The following SLC24A3 variants were observed in gnomAD, a reference collection of about 807,000 sequenced individuals.
The protein encoded by SLC24A3 is solute carrier family 24 member 3, also known as sodium/potassium/calcium exchanger 3.
Under a neutral mutation model 75.8 loss-of-function variants are expected in SLC24A3, and 28 were observed. The ratio of observed to expected loss-of-function variants is 0.37; its 90% CI spans 0.27 to 0.51. The LOEUF (loss-of-function observed/expected upper bound fraction) is 0.51, where lower values mean the gene tolerates loss of function less well. Among genes scored for constraint, SLC24A3 ranks in the 20% least tolerant of loss-of-function variants. The pLI, the probability that SLC24A3 is intolerant of heterozygous loss-of-function variation, is 0.94. For missense variants in SLC24A3, 663 were observed against 847.8 expected (o/e 0.78, Z 2.71); for synonymous variants, 372 against 334.1 (o/e 1.11, Z -1.24).
chr20:19,278,274 A>G (rs1362722720), intron 1 of SLC24A3, among the ~76,000 whole-genome samples: 1 of 152,172 alleles, frequency 6.6e-6, no homozygotes, highest in African/African-American at 2.4e-5. Context: ...CTGGCCCCCA[A>G]AGCTATCCAG....
At chr20:19,354,180 T>C (rs1985630843) in intron 2 of SLC24A3, among the ~76,000 whole-genome samples, 1 of 152,184 alleles carries the variant, frequency 6.6e-6, no homozygotes, top group Non-Finnish European at 1.5e-5. Context: ...CATCATACTA[T>C]TCTTGAGCTG....
chr20:19,406,207 T>TGTGC (rs1986642025), intron 2 of SLC24A3, among the ~76,000 whole-genome samples: 1 of 148,888 alleles, frequency 6.7e-6, no homozygotes, highest in East Asian at 1.9e-4. Context: ...TGTGTGTGTG[T>TGTGC]GCGTGCGTGT....
chr20:19,244,844 T>G (rs1183145090), intron 1 of SLC24A3, among the ~76,000 whole-genome samples: 1 of 152,194 alleles, frequency 6.6e-6, no homozygotes, highest in East Asian at 1.9e-4. Flanking sequence ...GAGATATCCT[T>G]GGAGCTGTAA....
chr20:19,234,921 C>T (rs969761525), intron 1 of SLC24A3, among the ~76,000 whole-genome samples: 2 of 152,218 alleles, frequency 1.3e-5, no homozygotes, highest in African/African-American at 2.4e-5. Flanking sequence ...TCTTTTCCTC[C>T]AGCCTTAGCT....
At chr20:19,295,144 A>G (rs1027313921) in intron 2 of SLC24A3, among the ~76,000 whole-genome samples, 2 of 152,066 alleles carry the variant, frequency 1.3e-5, no homozygotes, top group Middle Eastern at 3.2e-3. Flanking sequence ...CCAATTTTTA[A>G]TGGGGTTGTT....
chr20:19,459,629 A>G (rs1987637131), intron 2 of SLC24A3, among the ~76,000 whole-genome samples: 1 of 152,204 alleles, frequency 6.6e-6, no homozygotes, highest in Non-Finnish European at 1.5e-5. Flanking sequence ...TCCTCCATCC[A>G]AATACAGTGT....
In SLC24A3 at chr20:19,721,176, T is replaced by C. The variant is rs761168642; in HGVS notation, c.*36T>C. 102 of 1,612,126 alleles carry C rather than the reference T, an allele frequency of 6.3e-5. No individual in the cohort carries two copies. The highest frequency in any genetic ancestry group is 8.6e-5 in the Non-Finnish European group (101 of 1,179,504). On this transcript the variant is annotated 3_prime_UTR_variant, in exon 17 of 17. Coordinates refer to ENST00000328041, the MANE Select transcript of SLC24A3 (RefSeq NM_020689.4). ...GCCCACAGAGGCTCAGCTCCTTCTTTTCTGTGCAATACGAGACCCGGCCGC... is the reference window on the plus strand; with the variant it reads ...GCCCACAGAGGCTCAGCTCCTTCTTCTCTGTGCAATACGAGACCCGGCCGC...
chr20:19,493,985 C>G (rs138445925), intron 2 of SLC24A3, among the ~76,000 whole-genome samples: 1 of 152,206 alleles, frequency 6.6e-6, no homozygotes, highest in Admixed American at 6.5e-5. Flanking sequence ...CCTAGCTTGC[C>G]GCATTCCAAG....
intron 2 of SLC24A3, among the ~76,000 whole-genome samples, chr20:19,475,541 T>A (rs1987948643): frequency 6.6e-6 from 1 of 152,160 alleles, no homozygotes; most frequent in South Asian, 2.1e-4. Context: ...TGATTGAACA[T>A]AAGATAAATA....
chr20:19,322,240 G>A (rs1363075319), intron 2 of SLC24A3, among the ~76,000 whole-genome samples: 2 of 152,030 alleles, frequency 1.3e-5, no homozygotes, highest in Non-Finnish European at 2.9e-5. Flanking sequence ...AGCAGGGTGT[G>A]CAAAATGGTG....
chr20:19,494,876 C>T (rs757588176), intron 2 of SLC24A3, among the ~76,000 whole-genome samples: 1 of 152,158 alleles, frequency 6.6e-6, no homozygotes, highest in Non-Finnish European at 1.5e-5. Flanking sequence ...GAGGTTGTCT[C>T]GGGTTGGGTC....
intron 2 of SLC24A3, among the ~76,000 whole-genome samples, chr20:19,335,292 T>C (rs1985104686): frequency 6.6e-6 from 1 of 152,166 alleles, no homozygotes; most frequent in African/African-American, 2.4e-5. Flanking sequence ...GCCCCTTAAA[T>C]CTTGTCTTTT....
chr20:19,265,565 A>G (rs1463597936), intron 1 of SLC24A3, among the ~76,000 whole-genome samples: 3 of 152,234 alleles, frequency 2.0e-5, no homozygotes, highest in African/African-American at 7.2e-5. Context: ...TGAGCTTCTC[A>G]GGTGCTCTTA....
intron 2 of SLC24A3, among the ~76,000 whole-genome samples, chr20:19,343,052 AGAACGAGACTCCATCTC>A: frequency 1.4e-5 from 2 of 147,198 alleles, no homozygotes; most frequent in African/African-American, 2.5e-5. Context: ...CCTGGGTGAC[AGAACGAGACTCCATCTC>A]AAAAAAAAAA....
At chr20:19,274,224 C>T (rs113713862) in intron 1 of SLC24A3, among the ~76,000 whole-genome samples, 2,233 of 151,774 alleles carry the variant, frequency 0.015, 68 homozygotes, top group African/African-American at 0.051. Flanking sequence ...TAGAGGGAGA[C>T]CTTGACCCAG....
chr20:19,481,249 G>A (rs1313342280), intron 2 of SLC24A3, among the ~76,000 whole-genome samples: 2 of 152,180 alleles, frequency 1.3e-5, no homozygotes, highest in Non-Finnish European at 2.9e-5. Flanking sequence ...GTATGTTGAA[G>A]AAGATATTAA....
intron 2 of SLC24A3, among the ~76,000 whole-genome samples, chr20:19,502,665 C>G (rs1288453799): frequency 6.6e-6 from 1 of 152,008 alleles, no homozygotes; most frequent in African/African-American, 2.4e-5. Context: ...AAACTCAACA[C>G]TGTTCAGAGG....
chr20:19,479,039 A>G (rs1305476449), intron 2 of SLC24A3, among the ~76,000 whole-genome samples: 1 of 152,224 alleles, frequency 6.6e-6, no homozygotes, highest in Non-Finnish European at 1.5e-5. Flanking sequence ...GTCCCTTAGC[A>G]TGTAGCAGGT....
chr20:19,526,474 T>A (rs1032852429), intron 3 of SLC24A3, among the ~76,000 whole-genome samples: 1 of 152,230 alleles, frequency 6.6e-6, no homozygotes, highest in Non-Finnish European at 1.5e-5. Context: ...TATTTTCATC[T>A]CTTCTATGTT....
Sources: allele counts gnomAD v4.1 joint callset (sites outside exome capture counted in the v4.1 genomes callset), GRCh38; gene constraint gnomAD v4.1.1; transcripts MANE v1.5; gene names NCBI Gene and HGNC (gene_info 2026-07-23, HGNC 2026-07-21).